SLC15A1: variants seen among roughly 807,000 people sequenced by gnomAD.
SLC15A1 encodes the protein solute carrier family 15 member 1, also known as Caco-2 oligopeptide transporter.
In SLC15A1, 83 loss-of-function variants were observed where a neutral mutation model predicts 92.9. The ratio of observed to expected loss-of-function variants is 0.89; its 90% CI spans 0.75 to 1.07. SLC15A1 has a LOEUF of 1.07. SLC15A1 is among the 50% of genes least tolerant of loss of function. SLC15A1 has a pLI of 0.00. For missense variants in SLC15A1, 857 were observed against 880.1 expected (o/e 0.97, Z 0.33); for synonymous variants, 322 against 318.2 (o/e 1.01, Z -0.13).
At chr13:98,685,795 G>A (rs1400571833) in intron 22 of SLC15A1, among the ~76,000 whole-genome samples, 1 of 152,076 alleles carries the variant, frequency 6.6e-6, no homozygotes. Context: ...AGACCATCCT[G>A]GCCAACATGG....
intron 6 of SLC15A1, 25 bp downstream of exon 6, chr13:98,721,779 G>A (rs760208025): frequency 1.9e-6 from 3 of 1,603,430 alleles, no homozygotes; most frequent in South Asian, 2.2e-5. Context: ...ATTCACGTGG[G>A]CTCTGGGGAG....
At chr13:98,688,636 C>T in intron 18 of SLC15A1, 59 bp from the exon 19 acceptor site, 2 of 1,233,122 alleles carry the variant, frequency 1.6e-6, no homozygotes, top group South Asian at 1.2e-5. Flanking sequence ...TTCTAGGTCA[C>T]AGTACATGCA....
chr13:98,737,385 C>T (rs906447318), intron 1 of SLC15A1, among the ~76,000 whole-genome samples: 6 of 152,124 alleles, frequency 3.9e-5, no homozygotes, highest in African/African-American at 9.7e-5. Context: ...GGAGAAATAC[C>T]TAATGTAAAT....
chr13:98,748,582 G>T (rs750322467), intron 1 of SLC15A1, among the ~76,000 whole-genome samples: 8 of 152,094 alleles, frequency 5.3e-5, no homozygotes, highest in Non-Finnish European at 1.0e-4. Context: ...GGCGTAAGCC[G>T]CAGTGCCCAG....
intron 1 of SLC15A1, among the ~76,000 whole-genome samples, chr13:98,733,373 C>T (rs928398859): frequency 1.2e-4 from 18 of 152,340 alleles, no homozygotes; most frequent in Middle Eastern, 3.4e-3. Flanking sequence ...ATTCCTGCCA[C>T]ATTTTATTTG....
rs367641444 is a variant in SLC15A1 at position 98,687,093 on chromosome 13, G to A, written c.1827+488C>T. Among the ~76,000 whole-genome samples, 427 of 151,722 alleles carry A rather than the reference G, an allele frequency of 2.8e-3. 1 individual carries two copies. Among genetic ancestry groups the A allele is most frequent in the African/African-American group, 9.5e-3 (395 of 41,392 alleles). ...CTCCCAAGTAGCTGGGACCACAAGC[G>A]TGCTCTACCATGCTCAGCTAATGTG... is the stretch of plus-strand genomic sequence containing the variant. On this transcript the variant is annotated intron_variant, in intron 21 of 22. Coordinates refer to ENST00000376503, the MANE Select transcript of SLC15A1 (RefSeq NM_005073.4).
intron 15 of SLC15A1, among the ~76,000 whole-genome samples, chr13:98,707,472 TG>T (rs1034269211): frequency 6.6e-6 from 1 of 152,054 alleles, no homozygotes; most frequent in African/African-American, 2.4e-5. Flanking sequence ...GAAAGTAGAA[TG>T]GGGGTTGATG....
intron 11 of SLC15A1, among the ~76,000 whole-genome samples, chr13:98,710,822 A>AT (rs573644309): frequency 6.6e-6 from 1 of 151,390 alleles, no homozygotes; most frequent in Non-Finnish European, 1.5e-5. Flanking sequence ...AAAAAAAAAA[A>AT]AAAAAAAAAA....
intron 15 of SLC15A1, among the ~76,000 whole-genome samples, chr13:98,708,113 G>A (rs557624533): frequency 3.9e-5 from 6 of 151,950 alleles, no homozygotes; most frequent in Admixed American, 3.3e-4. Flanking sequence ...AGGAACGAGA[G>A]AAAGACAGAG....
intron 21 of SLC15A1, 55 bp from the exon 22 acceptor site, chr13:98,686,352 G>C: frequency 8.1e-7 from 1 of 1,236,374 alleles, no homozygotes; most frequent in Non-Finnish European, 1.2e-6. Context: ...CCGAGCAGGA[G>C]AACACAGCTC....
intron 1 of SLC15A1, among the ~76,000 whole-genome samples, chr13:98,743,971 A>G (rs1435274508): frequency 1.3e-5 from 2 of 152,144 alleles, no homozygotes; most frequent in Admixed American, 1.3e-4. Flanking sequence ...CGGTGGCCCT[A>G]ATAATATTGT....
chr13:98,730,660 A>G (rs1424719579), intron 1 of SLC15A1, among the ~76,000 whole-genome samples: 3 of 152,220 alleles, frequency 2.0e-5, no homozygotes, highest in Admixed American at 2.0e-4. Context: ...CCCTCAGTGC[A>G]TCGTTACGGG....
chr13:98,736,446 G>A (rs191687917), intron 1 of SLC15A1, among the ~76,000 whole-genome samples: 2 of 152,160 alleles, frequency 1.3e-5, no homozygotes, highest in East Asian at 1.9e-4. Flanking sequence ...AACTTCACGA[G>A]TAAAACACCA....
chr13:98,737,754 T>C (rs2088405946), intron 1 of SLC15A1, among the ~76,000 whole-genome samples: 1 of 152,196 alleles, frequency 6.6e-6, no homozygotes, highest in Non-Finnish European at 1.5e-5. Context: ...TACTGAGGAA[T>C]GGGTCATTGC....
chr13:98,742,511 T>A (rs1222720718), intron 1 of SLC15A1, among the ~76,000 whole-genome samples: 1 of 152,122 alleles, frequency 6.6e-6, no homozygotes, highest in Non-Finnish European at 1.5e-5. Context: ...TCTTACAGAG[T>A]GCCTCAAACC....
intron 1 of SLC15A1, among the ~76,000 whole-genome samples, chr13:98,746,448 ATAGT>A (rs2088493760): frequency 1.3e-5 from 2 of 152,186 alleles, no homozygotes; most frequent in Admixed American, 6.5e-5. Flanking sequence ...GCTTTTCACA[ATAGT>A]TAGACTAATT....
intron 18 of SLC15A1, among the ~76,000 whole-genome samples, chr13:98,692,871 C>T (rs1429632272): frequency 2.0e-5 from 3 of 151,676 alleles, no homozygotes; most frequent in Non-Finnish European, 2.9e-5. Context: ...CTCAGCTTCC[C>T]GAGTAGCTGG....
chr13:98,712,852 G>A (rs1201334345), intron 9 of SLC15A1, among the ~76,000 whole-genome samples: 5 of 152,098 alleles, frequency 3.3e-5, no homozygotes, highest in African/African-American at 1.2e-4. Flanking sequence ...TACAACACGT[G>A]TTTGCAATTT....
chr13:98,696,283 A>G (rs1000673456), intron 18 of SLC15A1, among the ~76,000 whole-genome samples: 6 of 151,518 alleles, frequency 4.0e-5, no homozygotes, highest in African/African-American at 1.2e-4. Context: ...GCGTGGTGGC[A>G]TGTGCCTGTA....
Sources: gnomAD v4.1 joint callset for allele counts (sites outside exome capture counted in the v4.1 genomes callset) on GRCh38, gnomAD v4.1.1 for gene constraint, MANE v1.5 for transcripts, NCBI Gene and HGNC (gene_info 2026-07-23, HGNC 2026-07-21) for gene names.